The following RPH3AL variants were observed in gnomAD, a reference collection of about 807,000 sequenced individuals.
RPH3AL encodes rabphilin 3A like (without C2 domains).
A neutral mutation model predicts 43.1 loss-of-function variants in RPH3AL; 38 were observed. The observed-to-expected ratio is 0.88, with a 90% CI of 0.68 to 1.15. The LOEUF (loss-of-function observed/expected upper bound fraction) is 1.15, where lower values mean the gene tolerates loss of function less well. Ranked by LOEUF, RPH3AL falls within the 50% of genes most tolerant of loss-of-function variation. The pLI, the probability that RPH3AL is intolerant of heterozygous loss-of-function variation, is 0.00. For missense variants in RPH3AL, 462 were observed against 423.2 expected (o/e 1.09, Z -0.81); for synonymous variants, 189 against 176.3 (o/e 1.07, Z -0.57).
At chr17:315,961 C>G (rs1555519909) in intron 5 of RPH3AL, among the ~76,000 whole-genome samples, 5 of 147,316 alleles carry the variant, frequency 3.4e-5, no homozygotes, top group African/African-American at 7.7e-5. Flanking sequence ...GTCCCTGTGA[C>G]CCCACCTCCA....
chr17:266,186 C>T (rs556610585), intron 6 of RPH3AL, among the ~76,000 whole-genome samples: 6 of 151,910 alleles, frequency 3.9e-5, no homozygotes, highest in East Asian at 3.9e-4. Flanking sequence ...TAAAAGATGA[C>T]ACTTTAAGGC....
chr17:324,707 G>GCTAGCTATCTATC (rs1567524419), intron 3 of RPH3AL, among the ~76,000 whole-genome samples: 1 of 130,508 alleles, frequency 7.7e-6, no homozygotes, highest in Admixed American at 7.6e-5. Context: ...AGCTAGCTAT[G>GCTAGCTATCTATC]TACCTATCTA....
intron 5 of RPH3AL, among the ~76,000 whole-genome samples, chr17:312,138 C>CA (rs142792118): frequency 0.013 from 1,974 of 152,132 alleles, 40 homozygotes; most frequent in African/African-American, 0.045. Context: ...CCTGTCTCTA[C>CA]AAAAAATTAA....
intron 7 of RPH3AL, among the ~76,000 whole-genome samples, chr17:233,441 G>T (rs2041278129): frequency 6.6e-6 from 1 of 152,162 alleles, no homozygotes; most frequent in South Asian, 2.1e-4. Flanking sequence ...CCAGCCCTGT[G>T]GGGGCTGGGC....
At chr17:311,191 C>G (rs2043637465) in intron 5 of RPH3AL, among the ~76,000 whole-genome samples, 1 of 152,204 alleles carries the variant, frequency 6.6e-6, no homozygotes, top group South Asian at 2.1e-4. Context: ...GTTTTCAGGT[C>G]CCCAGGATCT....
intron 6 of RPH3AL, among the ~76,000 whole-genome samples, chr17:277,117 C>A (rs2042673810): frequency 6.6e-6 from 1 of 152,088 alleles, no homozygotes; most frequent in Non-Finnish European, 1.5e-5. Flanking sequence ...AGACAGAGAG[C>A]TATGCACACA....
At position 235,523 on chromosome 17, in the gene RPH3AL, G is replaced by A. The variant is rs368691818; in HGVS notation, c.613+11588C>T. On this transcript the variant is annotated intron_variant, in intron 7 of 9. Transcript: ENST00000331302. The stretch of plus-strand genomic sequence containing the variant: ...TCCAGGGTTCAAAGCTGGGGTCGGC[G>A]GAGGCTCCACACTAACAAGACGGGT... Among the ~76,000 whole-genome samples, 320 of 94,282 alleles carry A rather than the reference G, an allele frequency of 3.4e-3. 16 individuals carry two copies. Among genetic ancestry groups the A allele is most frequent in the African/African-American group, 0.012 (306 of 26,204 alleles). The allele number at this position is 94,282 out of a possible 152,430, so 61.9% of individuals were successfully genotyped here. A position where few individuals can be genotyped will look rare whatever the true frequency, so the allele number is the denominator to read the frequency against.
rs1020260933 is a variant in RPH3AL at position 290,799 on chromosome 17, G to A, written c.352-8945C>T. Among the ~76,000 whole-genome samples the A allele has an allele frequency of 2.6e-5, 4 of 152,150 alleles. No individual in the cohort carries two copies. Among genetic ancestry groups the A allele is most frequent in the African/African-American group, 9.7e-5 (4 of 41,436 alleles). On this transcript the variant is annotated intron_variant, in intron 5 of 9. Transcript: ENST00000331302. The surrounding 1 kb of genome is among the most constrained non-coding windows in gnomAD (Gnocchi z 4.2). ...GGAAACTGCTCTGAAAGCAGACGCCGCCATCTCACAGCACCCGCGGTCTGG... is the reference window on the plus strand; with the variant it reads ...GGAAACTGCTCTGAAAGCAGACGCCACCATCTCACAGCACCCGCGGTCTGG...
chr17:336,176 C>T (rs933287716), intron 1 of RPH3AL, among the ~76,000 whole-genome samples: 4 of 152,174 alleles, frequency 2.6e-5, no homozygotes, highest in Non-Finnish European at 5.9e-5. Context: ...CGAGGGGACC[C>T]TTAGCAACAG....
chr17:230,206 T>A (rs960424348), intron 7 of RPH3AL, among the ~76,000 whole-genome samples: 2 of 151,952 alleles, frequency 1.3e-5, no homozygotes, highest in African/African-American at 2.4e-5. Flanking sequence ...TACCATCGAT[T>A]TTCATTTACT....
chr17:311,178 T>G lies in RPH3AL; in HGVS notation c.351+8242A>C, dbSNP rs375911165. Among the ~76,000 whole-genome samples, 3 of 152,258 alleles carry G rather than the reference T, an allele frequency of 2.0e-5. No individual in the cohort carries two copies. In the East Asian group the frequency reaches 5.8e-4, roughly 29 times the overall value. On this transcript the variant is annotated intron_variant, in intron 5 of 9. Transcript: ENST00000331302. ...CGTCCCAAAGATCTCAGCTCTGCCC[T>G]CTGTTTTCAGGTCCCCAGGATCTCA... is the stretch of plus-strand genomic sequence containing the variant.
intron 1 of RPH3AL, 128 bp downstream of exon 1, chr17:352,584 G>C (rs927973760): frequency 1.3e-5 from 2 of 152,216 alleles, no homozygotes; most frequent in Non-Finnish European, 2.9e-5. Context: ...TCCCAGCAAA[G>C]ACACAAACCT....
In RPH3AL at chr17:221,936, C is replaced by A. The variant is rs35397957; in HGVS notation, c.614-2200G>T. On this transcript the variant is annotated intron_variant, in intron 7 of 9. Transcript: ENST00000331302. ...CACTCACTGAGACAGTAGACCCAAG[C>A]ACATCAGCTCTGAGGCCTCCACTCA... Among the ~76,000 whole-genome samples, 17 of 83,104 alleles carry A rather than the reference C, an allele frequency of 2.0e-4. 1 individual carries two copies. Among genetic ancestry groups the A allele is most frequent in the East Asian group, 3.6e-4 (1 of 2,752 alleles). The allele number at this position is 83,104 out of a possible 152,430, so 54.5% of individuals were successfully genotyped here. A position where few individuals can be genotyped will look rare whatever the true frequency, so the allele number is the denominator to read the frequency against.
chr17:280,090 G>A (rs535062160), intron 6 of RPH3AL, among the ~76,000 whole-genome samples: 304 of 152,264 alleles, frequency 2.0e-3, no homozygotes, highest in Non-Finnish European at 2.2e-3. Flanking sequence ...GGAAATGTGC[G>A]CAAAAACAAG....
intron 9 of RPH3AL, among the ~76,000 whole-genome samples, chr17:214,404 C>CACAGAGAGAT (rs2040743302): frequency 6.6e-6 from 1 of 152,188 alleles, no homozygotes; most frequent in East Asian, 1.9e-4. Context: ...TAGAACTGGG[C>CACAGAGAGAT]ACAGAGAGAT....
chr17:281,720 C>A, intron 6 of RPH3AL, 48 bp downstream of exon 6: 1 of 1,122,994 alleles, frequency 8.9e-7, no homozygotes, highest in Non-Finnish European at 1.3e-6. Context: ...CATCTGAGGG[C>A]ATATCCAGCC....
At chr17:304,586 G>A (rs2043416172) in intron 5 of RPH3AL, among the ~76,000 whole-genome samples, 1 of 152,120 alleles carries the variant, frequency 6.6e-6, no homozygotes, top group Non-Finnish European at 1.5e-5. Flanking sequence ...CTCACTCTGA[G>A]CAGCTGGTGC....
At chr17:219,820 C>G (rs1157441184) in intron 7 of RPH3AL, 84 bp from the exon 8 acceptor site, 13 of 982,316 alleles carry the variant, frequency 1.3e-5, no homozygotes, top group Non-Finnish European at 2.1e-5. Flanking sequence ...GGCAGGCCTC[C>G]CCAGCTCATT....
At chr17:327,636 C>A in intron 2 of RPH3AL, 57 bp from the exon 3 acceptor site, 6 of 1,130,598 alleles carry the variant, frequency 5.3e-6, no homozygotes, top group Non-Finnish European at 7.8e-6. Flanking sequence ...GTACAGATGG[C>A]AGACAGGTTC....
Sources: allele counts gnomAD v4.1 joint callset (sites outside exome capture counted in the v4.1 genomes callset), GRCh38; gene constraint gnomAD v4.1.1; non-coding constraint Gnocchi (gnomAD v3.1); transcripts MANE v1.5; gene names NCBI Gene and HGNC (gene_info 2026-07-23, HGNC 2026-07-21).